MRPL3: variants seen among roughly 807,000 people sequenced by gnomAD.
The protein encoded by MRPL3 is large ribosomal subunit protein uL3m.
MRPL3 carries 43 observed loss-of-function variants against 44.3 expected under a neutral mutation model. The ratio of observed to expected loss-of-function variants is 0.97; its 90% CI spans 0.76 to 1.25. The LOEUF is 1.25. Among genes scored for constraint, MRPL3 ranks in the 50% most tolerant of loss-of-function variants. The pLI, the probability that MRPL3 is intolerant of heterozygous loss-of-function variation, is 0.00. For synonymous variants in MRPL3, 171 were observed against 152.3 expected (o/e 1.12, Z -0.91); for missense variants, 406 against 427.6 (o/e 0.95, Z 0.45).
intron 4 of MRPL3, among the ~76,000 whole-genome samples, chr3:131,493,411 T>C (rs1048529331): frequency 1.1e-4 from 16 of 152,190 alleles, no homozygotes; most frequent in African/African-American, 3.6e-4. Flanking sequence ...AATATCTCAA[T>C]TACTGTCCAT....
intron 6 of MRPL3, chr3:131,471,482 CT>C: frequency 1.9e-6 from 1 of 515,412 alleles, no homozygotes; most frequent in Non-Finnish European, 3.4e-6. Flanking sequence ...TTCCTGGAGT[CT>C]AATTCTATAT....
intron 6 of MRPL3, among the ~76,000 whole-genome samples, chr3:131,476,873 G>A (rs1281742128): frequency 1.3e-5 from 2 of 152,162 alleles, no homozygotes; most frequent in South Asian, 2.1e-4. Flanking sequence ...GAAGACAGGG[G>A]ATTAAGTCTC....
chr3:131,501,843 C>A, intron 1 of MRPL3, 128 bp from the exon 2 acceptor site: 2 of 1,568,568 alleles, frequency 1.3e-6, no homozygotes, highest in Non-Finnish European at 1.7e-6. Flanking sequence ...ATTCTGTATA[C>A]CTTTTTTTCA....
intron 6 of MRPL3, among the ~76,000 whole-genome samples, chr3:131,479,588 G>GT (rs1200079665): frequency 6.6e-6 from 1 of 152,184 alleles, no homozygotes; most frequent in Non-Finnish European, 1.5e-5. Context: ...CTCACGGCCT[G>GT]TAATCCCAGT....
At chr3:131,496,438 C>A (rs1266378457) in intron 4 of MRPL3, among the ~76,000 whole-genome samples, 2 of 152,188 alleles carry the variant, frequency 1.3e-5, no homozygotes, top group African/African-American at 4.8e-5. Flanking sequence ...AAATAGCTAA[C>A]TTCTCTAACA....
chr3:131,477,858 C>T (rs1332006436), intron 6 of MRPL3, among the ~76,000 whole-genome samples: 1 of 152,078 alleles, frequency 6.6e-6, no homozygotes, highest in African/African-American at 2.4e-5. Flanking sequence ...TTTCCTCTAC[C>T]CCTTAACGTC....
intron 4 of MRPL3, among the ~76,000 whole-genome samples, chr3:131,491,343 G>A (rs1177343933): frequency 6.6e-6 from 1 of 152,078 alleles, no homozygotes; most frequent in African/African-American, 2.4e-5. Flanking sequence ...TCTCTCCATG[G>A]AAGACTTTCT....
intron 6 of MRPL3, among the ~76,000 whole-genome samples, chr3:131,475,345 T>C (rs941165885): frequency 6.6e-6 from 1 of 152,148 alleles, no homozygotes; most frequent in Non-Finnish European, 1.5e-5. Flanking sequence ...TTGTTTTCAA[T>C]ACATCAAAAA....
intron 5 of MRPL3, chr3:131,488,565 T>G (rs887921959): frequency 6.6e-6 from 1 of 152,050 alleles, no homozygotes; most frequent in Non-Finnish European, 1.5e-5. Context: ...TATAAGAATA[T>G]AAGACATGGC....
In MRPL3 at chr3:131,498,417, C is replaced by T. The variant is rs1178200317; in HGVS notation, c.370-140G>A. 9 of 524,602 alleles carry T rather than the reference C, an allele frequency of 1.7e-5. No individual in the cohort carries two copies. The Admixed American group carries it at 1.9e-4, about 11-fold the overall frequency. The allele number at this position is 524,602 out of a possible 1,614,324, so 32.5% of individuals were successfully genotyped here. The stretch of plus-strand genomic sequence containing the variant: ...TCTTTCCTCTAACACCAACCACAAT[C>T]TTAAAAATATAAATTAAAAAAAAAA... On this transcript the variant is annotated intron_variant, in intron 3 of 9. Transcript: ENST00000264995.
In MRPL3 at chr3:131,484,794, A is replaced by G. The variant is rs561528965; in HGVS notation, c.629+2886T>C. Among the ~76,000 whole-genome samples the G allele has an allele frequency of 8.5e-5, 13 of 152,364 alleles. No homozygotes were observed. The South Asian group carries it at 1.9e-3, about 22-fold the overall frequency. On this transcript the variant is annotated intron_variant, in intron 6 of 9. Transcript: ENST00000264995. The stretch of plus-strand genomic sequence containing the variant: ...AAATTAAAAGCACCTTACAGCAATA[A>G]TAAGATGTCAGCTACAAGAGCTATA...
intron 4 of MRPL3, among the ~76,000 whole-genome samples, chr3:131,496,324 T>C (rs1254529546): frequency 1.3e-5 from 2 of 152,212 alleles, no homozygotes; most frequent in East Asian, 1.9e-4. Context: ...TGGAGTTATA[T>C]GAAACCCAAA....
At position 131,462,700 on chromosome 3, in the gene MRPL3, A is replaced by G; in HGVS notation, c.*23T>C. On this transcript the variant is annotated 3_prime_UTR_variant, in exon 10 of 10. Transcript: ENST00000264995. Reference sequence around the variant, plus strand: ...CTCATCGAAGCTCACAGAATATGTAAGGTTCTGCCACGTCCAAAGATGTTA... The same window carrying G: ...CTCATCGAAGCTCACAGAATATGTAGGGTTCTGCCACGTCCAAAGATGTTA... The G allele has an allele frequency of 1.9e-6, 3 of 1,596,092 alleles. No homozygotes were observed. The highest frequency in any genetic ancestry group is 2.6e-6 in the Non-Finnish European group (3 of 1,169,098).
intron 9 of MRPL3, among the ~76,000 whole-genome samples, chr3:131,464,703 T>C (rs747290933): frequency 1.9e-4 from 29 of 152,226 alleles, no homozygotes; most frequent in Non-Finnish European, 3.7e-4. Context: ...TCTTCATTAA[T>C]ACATTTAGTG....
chr3:131,500,355 T>C (rs968629586), intron 3 of MRPL3, 75 bp downstream of exon 3: 9 of 1,168,126 alleles, frequency 7.7e-6, no homozygotes, highest in African/African-American at 3.0e-5. Context: ...AGGACACAAA[T>C]AGTTCTTGTT....
At chr3:131,486,169 C>T (rs1365181856) in intron 6 of MRPL3, among the ~76,000 whole-genome samples, 1 of 151,786 alleles carries the variant, frequency 6.6e-6, no homozygotes, top group Admixed American at 6.6e-5. Flanking sequence ...ACACCTTATA[C>T]AAAAATTAAT....
intron 6 of MRPL3, among the ~76,000 whole-genome samples, chr3:131,473,838 C>A (rs1370943067): frequency 6.6e-6 from 1 of 151,996 alleles, no homozygotes; most frequent in African/African-American, 2.4e-5. Context: ...CAGGGAAATG[C>A]AAATCAAAAC....
At chr3:131,502,678 C>T in intron 1 of MRPL3, 52 bp downstream of exon 1, 1 of 1,500,862 alleles carries the variant, frequency 6.7e-7, no homozygotes, top group Non-Finnish European at 9.1e-7. Flanking sequence ...CCAGGCCATT[C>T]CACTGCTTCA....
chr3:131,462,830 G>T lies in MRPL3; in HGVS notation c.940C>A (p.Leu314Ile), dbSNP rs747169026. 5 of 1,612,558 alleles carry T rather than the reference G, an allele frequency of 3.1e-6. 1 individual carries two copies. In the South Asian group the frequency reaches 5.5e-5, roughly 18 times the overall value. Residue 314 changes from leucine (L) to isoleucine (I), a missense_variant, in exon 10 of 10, where the codon CTA becomes ATA. Leu to Ile is a conservative substitution (Grantham distance 5). Transcript: ENST00000264995. ...TCAGGAAAATATGTAGGGAATGGTAGATTTTTACCGAGATCCTTATATGCA... is the reference window on the plus strand; with the variant it reads ...TCAGGAAAATATGTAGGGAATGGTATATTTTTACCGAGATCCTTATATGCA... ...LPAYKDLGKNLPFPTYFPDGD... is the reference protein window; with the variant it reads ...LPAYKDLGKNIPFPTYFPDGD...
Sources: gnomAD v4.1 joint callset for allele counts (sites outside exome capture counted in the v4.1 genomes callset) on GRCh38, gnomAD v4.1.1 for gene constraint, MANE v1.5 for transcripts, NCBI Gene and HGNC (gene_info 2026-07-23, HGNC 2026-07-21) for gene names.